Variants in RBL1 observed in about 807,000 individuals in gnomAD.
RBL1 encodes the protein RB transcriptional corepressor like 1.
Under a neutral mutation model 123.0 loss-of-function variants are expected in RBL1, and 82 were observed. The observed-to-expected ratio is 0.67, with a 90% CI of 0.56 to 0.80. The LOEUF is 0.80. Ranked by LOEUF, RBL1 falls within the 30% of genes least tolerant of loss-of-function variation. RBL1 has a pLI of 0.00. For missense variants in RBL1, 1,171 were observed against 1,299.6 expected (o/e 0.90, Z 1.52); for synonymous variants, 405 against 441.3 (o/e 0.92, Z 1.03).
chr20:37,031,643 G>A (rs372540326), intron 16 of RBL1, among the ~76,000 whole-genome samples: 77 of 152,310 alleles, frequency 5.1e-4, no homozygotes, highest in South Asian at 2.9e-3. Context: ...AAAATGGTAC[G>A]GTGGTTCCTC....
chr20:37,067,790 A>AAC (rs1372671640), intron 3 of RBL1, among the ~76,000 whole-genome samples, 196 bp downstream of exon 3: 2 of 150,218 alleles, frequency 1.3e-5, no homozygotes, highest in Non-Finnish European at 3.0e-5. Context: ...AAAAAAAAAA[A>AAC]ACAACAACAG....
intron 7 of RBL1, 135 bp from the exon 8 acceptor site, chr20:37,062,405 A>G (rs2065110882): frequency 1.4e-6 from 2 of 1,401,188 alleles, no homozygotes; most frequent in Admixed American, 3.0e-5. Context: ...CCATCTAACA[A>G]TATCAGAGGG....
chr20:37,030,571 CA>C (rs1221543403), intron 16 of RBL1, among the ~76,000 whole-genome samples: 2 of 150,774 alleles, frequency 1.3e-5, no homozygotes, highest in Non-Finnish European at 3.0e-5. Context: ...AGTTCAAAAA[CA>C]GGCCCGGCGT....
chr20:37,000,963 G>A (rs1361357948), intron 21 of RBL1, among the ~76,000 whole-genome samples: 4 of 142,456 alleles, frequency 2.8e-5, no homozygotes, highest in African/African-American at 8.0e-5. Context: ...CTGCCCGGCC[G>A]CCCCTACTGG....
chr20:37,030,791 G>A (rs527942285), intron 16 of RBL1, among the ~76,000 whole-genome samples: 4 of 151,242 alleles, frequency 2.6e-5, no homozygotes, highest in Admixed American at 2.0e-4. Context: ...GGAGGCAGGG[G>A]TTGCAGTGAG....
intron 13 of RBL1, among the ~76,000 whole-genome samples, chr20:37,040,515 G>T (rs2064704936): frequency 6.6e-6 from 1 of 151,924 alleles, no homozygotes; most frequent in Admixed American, 6.6e-5. Context: ...ATCATGCCCG[G>T]CTAATTTTTG....
intron 15 of RBL1, 142 bp from the exon 16 acceptor site, chr20:37,033,018 CTT>C (rs11311040): frequency 0.076 from 66,643 of 879,142 alleles, no homozygotes; most frequent in Middle Eastern, 0.1. Context: ...TGACTGAATT[CTT>C]TTTTTTTTTT....
intron 7 of RBL1, 134 bp from the exon 8 acceptor site, chr20:37,062,404 A>G: frequency 7.1e-7 from 1 of 1,412,656 alleles, no homozygotes; most frequent in Non-Finnish European, 9.2e-7. Flanking sequence ...ACCATCTAAC[A>G]ATATCAGAGG....
chr20:37,002,137 A>T (rs1456243674), intron 21 of RBL1, among the ~76,000 whole-genome samples: 1 of 151,622 alleles, frequency 6.6e-6, no homozygotes, highest in Admixed American at 6.6e-5. Context: ...GGCTCAAGCT[A>T]TTCTCCTGCC....
At chr20:37,022,261 A>G (rs1437192498) in intron 17 of RBL1, among the ~76,000 whole-genome samples, 8 of 152,270 alleles carry the variant, frequency 5.3e-5, no homozygotes. Context: ...TGTAGCAACT[A>G]GAAAGTAAAA....
chr20:37,080,767 A>G (rs1293246770), intron 2 of RBL1, among the ~76,000 whole-genome samples: 2 of 152,116 alleles, frequency 1.3e-5, no homozygotes, highest in African/African-American at 4.8e-5. Flanking sequence ...CTCGCAATCT[A>G]CTTTCAAAAT....
Position 37,055,591 on chromosome 20 carries a change from C to G in RBL1, c.1429G>C (p.Val477Leu). ...LYYKILETVM[V>L]QETRRLHGMD... ...CCATGAAGTCTTCGTGTTTCCTGAA[C>G]CATTACAGTCTCTAGTATTTTATAA... The change falls in exon 11 of 22, where the codon GTT (valine) becomes CTT (leucine). Residue 477 changes from valine (V) to leucine (L), a missense_variant. Physicochemically the swap from Val to Leu is conservative, Grantham distance 32. Coordinates refer to ENST00000373664, the MANE Select transcript of RBL1 (RefSeq NM_002895.5). The G allele has an allele frequency of 2.5e-6, 4 of 1,614,092 alleles. No individual in the cohort carries two copies. Among genetic ancestry groups the G allele is most frequent in the Non-Finnish European group, 3.4e-6 (4 of 1,180,030 alleles).
rs751909623 is a variant in RBL1, at chr20:37,062,255, C to T, written c.912G>A (p.Lys304=). 3 of 1,613,906 alleles carry T rather than the reference C, an allele frequency of 1.9e-6. No individual in the cohort carries two copies. The highest frequency in any genetic ancestry group is 1.7e-6 in the Non-Finnish European group (2 of 1,179,908). The change falls in exon 8 of 22, where the codon AAG becomes AAA. Residue 304 remains lysine, a synonymous_variant. Coordinates refer to ENST00000373664, the MANE Select transcript of RBL1 (RefSeq NM_002895.5). ...SFTDNSKAVN[K]EYEEYVLTVG... ...CAGTTAGAACATACTCTTCATACTCCTTATTCACTGCTTTGCTGCAAAGAG... is the reference window on the plus strand; with the variant it reads ...CAGTTAGAACATACTCTTCATACTCTTTATTCACTGCTTTGCTGCAAAGAG...
chr20:37,089,104 A>G lies in RBL1; in HGVS notation c.175T>C (p.Leu59=), dbSNP rs2065605013. 6.2e-7 allele frequency: 1 copy of G among 1,607,186 alleles called. No individual in the cohort carries two copies. Among genetic ancestry groups the G allele is most frequent in the Non-Finnish European group, 8.5e-7 (1 of 1,176,482 alleles). ...YSLEGEVTHW[L]ACSLYVACRK... ...CATGCAACATATAATGAACATGCCAACCAGTGTGTAACTTCTCCCTGGCAA... is the reference window on the plus strand; with the variant it reads ...CATGCAACATATAATGAACATGCCAGCCAGTGTGTAACTTCTCCCTGGCAA... Residue 59 remains leucine (L), a synonymous_variant, in exon 2 of 22, where the codon TTG becomes CTG. Transcript: ENST00000373664.
Position 37,012,932 on chromosome 20 carries a change from C to T in RBL1, c.2722+5347G>A, listed in dbSNP as rs1203496809. Reference sequence around the variant, plus strand: ...AGGGAGGTGGGGGGTTCAGCCCCCCCGCCAGCCAGCCGCCCCGTCCGGGAG... The same window carrying T: ...AGGGAGGTGGGGGGTTCAGCCCCCCTGCCAGCCAGCCGCCCCGTCCGGGAG... On this transcript the variant is annotated intron_variant, in intron 19 of 21. Coordinates refer to ENST00000373664, the MANE Select transcript of RBL1 (RefSeq NM_002895.5). Among the ~76,000 whole-genome samples, 13 of 142,466 alleles carry T rather than the reference C, an allele frequency of 9.1e-5. 1 individual carries two copies. Among genetic ancestry groups the T allele is most frequent in the East Asian group, 6.4e-4 (3 of 4,702 alleles). The allele number at this position is 142,466 out of a possible 152,430, so 93.5% of individuals were successfully genotyped here.
chr20:37,088,368 G>C (rs2065587156), intron 2 of RBL1, among the ~76,000 whole-genome samples: 1 of 151,952 alleles, frequency 6.6e-6, no homozygotes. Flanking sequence ...AGGTGACTCT[G>C]AGTCAAGGGT....
chr20:37,042,845 G>C (rs1463405080), intron 13 of RBL1, among the ~76,000 whole-genome samples: 1 of 146,234 alleles, frequency 6.8e-6, no homozygotes, highest in Non-Finnish European at 1.5e-5. Flanking sequence ...GCTGCAGTGA[G>C]CCGTGATGGC....
chr20:37,067,903 T>A (rs553802614), intron 3 of RBL1, 83 bp downstream of exon 3: 1 of 1,465,532 alleles, frequency 6.8e-7, no homozygotes, highest in South Asian at 1.3e-5. Context: ...ATACTTTTCA[T>A]AAAAAACAGA....
chr20:37,018,654 TTAAA>T (rs1428344439), intron 18 of RBL1, among the ~76,000 whole-genome samples: 2 of 152,088 alleles, frequency 1.3e-5, no homozygotes, highest in Non-Finnish European at 2.9e-5. Flanking sequence ...GAAAGCAACT[TTAAA>T]GACCTGAATT....
Sources: gnomAD v4.1 joint callset for allele counts (sites outside exome capture counted in the v4.1 genomes callset) on GRCh38, gnomAD v4.1.1 for gene constraint, MANE v1.5 for transcripts, NCBI Gene and HGNC (gene_info 2026-07-23, HGNC 2026-07-21) for gene names.